SLC8A3: variants seen among roughly 807,000 people sequenced by gnomAD.
SLC8A3 encodes the protein solute carrier family 8 member A3.
A neutral mutation model predicts 65.4 loss-of-function variants in SLC8A3; 37 were observed. The observed-to-expected ratio is 0.57, with a 90% CI of 0.44 to 0.74. The LOEUF (loss-of-function observed/expected upper bound fraction) is 0.74. Among genes scored for constraint, SLC8A3 ranks in the 30% least tolerant of loss-of-function variants. The pLI is 0.00. For missense variants in SLC8A3, 1,112 were observed against 1,172.1 expected (o/e 0.95, Z 0.75); for synonymous variants, 461 against 444.5 (o/e 1.04, Z -0.47).
At chr14:70,110,538 T>C (rs118131815) in intron 2 of SLC8A3, among the ~76,000 whole-genome samples, 3,151 of 152,290 alleles carry the variant, frequency 0.021, 57 homozygotes, top group Middle Eastern at 0.061. Flanking sequence ...TTTTTTTTTA[T>C]TGAATAGTAC....
intron 1 of SLC8A3, among the ~76,000 whole-genome samples, chr14:70,174,797 A>C (rs1268621019): frequency 6.6e-6 from 1 of 151,150 alleles, no homozygotes; most frequent in African/African-American, 2.4e-5. Flanking sequence ...CAAACAAGTA[A>C]TTATTGGAAT....
At chr14:70,152,323 A>C (rs566871197) in intron 2 of SLC8A3, among the ~76,000 whole-genome samples, 6 of 152,344 alleles carry the variant, frequency 3.9e-5, no homozygotes, top group Non-Finnish European at 8.8e-5. Context: ...CCACCAATTC[A>C]TGAGCATCTT....
intron 2 of SLC8A3, among the ~76,000 whole-genome samples, chr14:70,120,005 T>C (rs1893941436): frequency 2.0e-5 from 3 of 152,146 alleles, no homozygotes. Context: ...AAGTGGTGTG[T>C]GTCAATGCTA....
In SLC8A3 at chr14:70,188,753, GGCGGGGGA is replaced by G. The variant is rs1268390025; in HGVS notation, c.-445_-438del. The G allele has an allele frequency of 6.6e-6, 1 of 152,126 alleles. No individual in the cohort carries two copies. Among genetic ancestry groups the G allele is most frequent in the African/African-American group, 2.4e-5 (1 of 41,450 alleles). The allele number at this position is 152,126 out of a possible 1,614,324, so 9.4% of individuals were successfully genotyped here. A position where few individuals can be genotyped will look rare whatever the true frequency, so the allele number is the denominator to read the frequency against. On this transcript the variant is annotated 5_prime_UTR_variant, in exon 1 of 7. Transcript: ENST00000356921. ...GAGGCCCGGAGTCCCGGCCGCGGGC[GGCGGGGGA>G]TTCCTGCAGGAAGGGGCAGGAAGGC...
chr14:70,173,319 C>T (rs1007625239), intron 1 of SLC8A3, among the ~76,000 whole-genome samples: 8 of 152,046 alleles, frequency 5.3e-5, no homozygotes, highest in African/African-American at 9.7e-5. Context: ...TCATGATGCC[C>T]GTCTGTCCCC....
intron 2 of SLC8A3, among the ~76,000 whole-genome samples, chr14:70,149,692 G>A (rs746102292): frequency 1.3e-5 from 2 of 152,148 alleles, no homozygotes; most frequent in Non-Finnish European, 2.9e-5. Context: ...GAGTCCCACT[G>A]GCAAGTGATT....
At chr14:70,187,750 T>C (rs1221582653) in intron 1 of SLC8A3, among the ~76,000 whole-genome samples, 1 of 151,912 alleles carries the variant, frequency 6.6e-6, no homozygotes, top group Non-Finnish European at 1.5e-5. Context: ...AGTGCAGCAC[T>C]GGAGAAACCC....
intron 2 of SLC8A3, among the ~76,000 whole-genome samples, chr14:70,165,898 T>C (rs774699844): frequency 2.0e-5 from 3 of 152,228 alleles, no homozygotes; most frequent in Non-Finnish European, 4.4e-5. Context: ...CCTTCACTGC[T>C]TCACCAGATT....
At chr14:70,131,488 C>A (rs371716848) in intron 2 of SLC8A3, among the ~76,000 whole-genome samples, 1 of 152,190 alleles carries the variant, frequency 6.6e-6, no homozygotes, top group African/African-American at 2.4e-5. Context: ...ACAGGGTATA[C>A]AGCAGGTGTT....
At chr14:70,137,113 T>C (rs1895248774) in intron 2 of SLC8A3, among the ~76,000 whole-genome samples, 1 of 152,036 alleles carries the variant, frequency 6.6e-6, no homozygotes. Context: ...TTCTACTAGT[T>C]CATATTGAGA....
intron 2 of SLC8A3, among the ~76,000 whole-genome samples, chr14:70,124,503 A>G (rs956885235): frequency 6.6e-6 from 1 of 152,216 alleles, no homozygotes; most frequent in South Asian, 2.1e-4. Context: ...CTGATGATTC[A>G]TTTATGAAGC....
At chr14:70,135,118 G>A (rs1461013212) in intron 2 of SLC8A3, among the ~76,000 whole-genome samples, 1 of 151,990 alleles carries the variant, frequency 6.6e-6, no homozygotes, top group Middle Eastern at 3.2e-3. Flanking sequence ...ACATATAAAT[G>A]GCCAACAGGT....
At position 70,046,968 on chromosome 14, in the gene SLC8A3, C is replaced by T. The variant is rs1415387541; in HGVS notation, c.2390-645G>A. On this transcript the variant is annotated intron_variant, in intron 6 of 6. Transcript: ENST00000356921. The surrounding 1 kb of genome is among the most constrained non-coding windows in gnomAD (Gnocchi z 4.2). ...ATACAGGGAGGACTGTCAGAGACAT[C>T]TAGCCCAATTCTTTTATTTTACAGG... is the stretch of plus-strand genomic sequence containing the variant. 1.3e-5 allele frequency: 2 copies of T among 152,200 alleles called. No individual in the cohort carries two copies. Among genetic ancestry groups the T allele is most frequent in the Non-Finnish European group, 2.9e-5 (2 of 68,062 alleles). The allele number at this position is 152,200 out of a possible 1,614,324, so 9.4% of individuals were successfully genotyped here.
intron 1 of SLC8A3, among the ~76,000 whole-genome samples, chr14:70,175,179 C>T (rs1266591437): frequency 6.6e-6 from 1 of 152,080 alleles, no homozygotes; most frequent in African/African-American, 2.4e-5. Flanking sequence ...TTTATATGGA[C>T]CAAGGACTTT....
chr14:70,182,139 G>C (rs1251220704), intron 1 of SLC8A3, among the ~76,000 whole-genome samples: 1 of 152,096 alleles, frequency 6.6e-6, no homozygotes, highest in African/African-American at 2.4e-5. Context: ...ATATAAACTT[G>C]GAGGTTTCGA....
At chr14:70,160,967 G>A (rs1056103309) in intron 2 of SLC8A3, among the ~76,000 whole-genome samples, 12 of 151,188 alleles carry the variant, frequency 7.9e-5, no homozygotes, top group African/African-American at 2.4e-4. Flanking sequence ...TAGCATGGTC[G>A]GGCACGGTGG....
intron 2 of SLC8A3, among the ~76,000 whole-genome samples, chr14:70,093,830 TC>T (rs1891967411): frequency 6.6e-6 from 1 of 152,214 alleles, no homozygotes; most frequent in Admixed American, 6.5e-5. Flanking sequence ...GGAGCCTGTG[TC>T]CCCTGCCTAC....
intron 1 of SLC8A3, among the ~76,000 whole-genome samples, chr14:70,174,274 G>T (rs561568384): frequency 7.2e-5 from 11 of 152,346 alleles, no homozygotes; most frequent in Middle Eastern, 3.4e-3. Context: ...TGGATCCATG[G>T]TAGAGCCCTG....
chr14:70,119,831 C>T (rs1449565226), intron 2 of SLC8A3, among the ~76,000 whole-genome samples: 1 of 152,212 alleles, frequency 6.6e-6, no homozygotes, highest in African/African-American at 2.4e-5. Flanking sequence ...TGACAAATAA[C>T]GTTCTGTATA....
Sources: gnomAD v4.1 joint callset for allele counts (sites outside exome capture counted in the v4.1 genomes callset) on GRCh38, gnomAD v4.1.1 for gene constraint, Gnocchi (gnomAD v3.1) non-coding constraint, MANE v1.5 for transcripts, NCBI Gene and HGNC (gene_info 2026-07-23, HGNC 2026-07-21) for gene names.